NTM: variants seen among roughly 807,000 people sequenced by gnomAD.
NTM encodes neurotrimin.
NTM carries 13 observed loss-of-function variants against 42.1 expected under a neutral mutation model. The observed-to-expected ratio is 0.31, with a 90% CI of 0.20 to 0.49. The LOEUF is 0.49. Among genes scored for constraint, NTM ranks in the 20% least tolerant of loss-of-function variants. The pLI, the probability that NTM is intolerant of heterozygous loss-of-function variation, is 0.99. For synonymous variants in NTM, 187 were observed against 179.2 expected (o/e 1.04, Z -0.35); for missense variants, 373 against 452.8 (o/e 0.82, Z 1.60).
intron 1 of NTM, among the ~76,000 whole-genome samples, chr11:131,484,638 C>T (rs972392028): frequency 2.2e-4 from 34 of 152,256 alleles, no homozygotes; most frequent in Admixed American, 1.3e-3. Flanking sequence ...CTTCCTCCTG[C>T]GTAGACACTG....
At position 132,002,931 on chromosome 11, in the gene NTM, A is replaced by G. The variant is rs959573946; in HGVS notation, c.167+91283A>G. 6.8e-6 allele frequency among the ~76,000 whole-genome samples: 1 copy of G among 146,710 alleles called. No individual in the cohort carries two copies. The highest frequency in any genetic ancestry group is 1.5e-5 in the Non-Finnish European group (1 of 68,036). ...TTTACTGTTAATAACAGAAATTACTATTAAAAAAGAGGAAACAGGAAAAAC... is the reference window on the plus strand; with the variant it reads ...TTTACTGTTAATAACAGAAATTACTGTTAAAAAAGAGGAAACAGGAAAAAC... On this transcript the variant is annotated intron_variant, in intron 2 of 8. Transcript: ENST00000683400. The surrounding 1 kb of genome is among the most constrained non-coding windows in gnomAD (Gnocchi z 4.5).
intron 6 of NTM, 29 bp downstream of exon 6, chr11:132,310,261 C>A: frequency 6.5e-7 from 1 of 1,549,430 alleles, no homozygotes; most frequent in South Asian, 1.2e-5. Context: ...CTATCCCACC[C>A]CTACCCCCAT....
chr11:132,067,642 A>G (rs1189139373), intron 2 of NTM, among the ~76,000 whole-genome samples: 1 of 152,214 alleles, frequency 6.6e-6, no homozygotes, highest in Non-Finnish European at 1.5e-5. Context: ...AGACCCAGGC[A>G]CCTTCCAAAT....
intron 4 of NTM, among the ~76,000 whole-genome samples, chr11:132,261,961 G>A (rs1249089209): frequency 6.6e-6 from 1 of 152,210 alleles, no homozygotes; most frequent in Non-Finnish European, 1.5e-5. Flanking sequence ...ATCCATTAAG[G>A]AGGCTCCAGC....
At chr11:131,950,433 C>T (rs573949082) in intron 2 of NTM, among the ~76,000 whole-genome samples, 2 of 152,312 alleles carry the variant, frequency 1.3e-5, no homozygotes, top group African/African-American at 2.4e-5. Flanking sequence ...AGGCAGTTCA[C>T]CTGCCTCACC....
intron 1 of NTM, among the ~76,000 whole-genome samples, chr11:131,631,859 C>T (rs2063691654): frequency 6.6e-6 from 1 of 152,168 alleles, no homozygotes; most frequent in Admixed American, 6.5e-5. Flanking sequence ...GTAAACACTG[C>T]TCTAATATCA....
chr11:131,850,036 G>A (rs1456641558), intron 1 of NTM, among the ~76,000 whole-genome samples: 2 of 151,962 alleles, frequency 1.3e-5, no homozygotes, highest in Admixed American at 1.3e-4. Flanking sequence ...CACTCAGGTT[G>A]CTAAGTGTAG....
At chr11:132,255,231 T>G (rs1391722827) in intron 4 of NTM, among the ~76,000 whole-genome samples, 1 of 152,250 alleles carries the variant, frequency 6.6e-6, no homozygotes, top group Non-Finnish European at 1.5e-5. Flanking sequence ...CTCCTTTCTT[T>G]TAGCTCTTTA....
chr11:131,856,007 A>G (rs1364374378), intron 1 of NTM, among the ~76,000 whole-genome samples: 1 of 152,178 alleles, frequency 6.6e-6, no homozygotes, highest in African/African-American at 2.4e-5. Flanking sequence ...TGTCCAATAA[A>G]TGTTTGTTGA....
intron 1 of NTM, among the ~76,000 whole-genome samples, chr11:131,418,099 C>T (rs1464826873): frequency 1.3e-5 from 2 of 152,224 alleles, no homozygotes; most frequent in Non-Finnish European, 2.9e-5. Context: ...GCCATTCAGA[C>T]AGCAATCATT....
chr11:131,555,936 T>C (rs2136952261), intron 1 of NTM, among the ~76,000 whole-genome samples: 1 of 152,222 alleles, frequency 6.6e-6, no homozygotes, highest in Middle Eastern at 3.4e-3. Context: ...AAGGAAATGT[T>C]CCAGATGCCA....
intron 1 of NTM, among the ~76,000 whole-genome samples, chr11:131,383,785 T>G (rs1942986942): frequency 1.3e-5 from 2 of 152,112 alleles, no homozygotes; most frequent in South Asian, 2.1e-4. Flanking sequence ...AACAACATGA[T>G]TTGGGTTCGT....
At chr11:131,546,975 G>A (rs1426678062) in intron 1 of NTM, among the ~76,000 whole-genome samples, 2 of 151,926 alleles carry the variant, frequency 1.3e-5, no homozygotes, top group Non-Finnish European at 2.9e-5. Context: ...TTTCCATCAT[G>A]CCTCTGAGTT....
At chr11:131,597,275 G>A (rs1270895189) in intron 1 of NTM, among the ~76,000 whole-genome samples, 4 of 152,118 alleles carry the variant, frequency 2.6e-5, no homozygotes, top group Admixed American at 6.5e-5. Context: ...AGCTGTCTGT[G>A]GCACTTGCTC....
intron 1 of NTM, among the ~76,000 whole-genome samples, chr11:131,724,659 G>A (rs1185792068): frequency 3.3e-5 from 5 of 152,144 alleles, no homozygotes; most frequent in African/African-American, 9.7e-5. Flanking sequence ...CAGCCCCTCC[G>A]ATGGTGCTAA....
At chr11:131,916,581 C>T (rs1053792940) in intron 2 of NTM, among the ~76,000 whole-genome samples, 9 of 152,100 alleles carry the variant, frequency 5.9e-5, no homozygotes, top group Non-Finnish European at 1.3e-4. Context: ...CTTGAGAGGA[C>T]GCGGGAGTCA....
At chr11:132,227,007 T>C (rs73040252) in intron 4 of NTM, among the ~76,000 whole-genome samples, 17,896 of 152,196 alleles carry the variant, frequency 0.12, 1,134 homozygotes, top group Middle Eastern at 0.18. Context: ...GAGTAGATAG[T>C]TGACTATGCC....
In NTM at chr11:131,789,477, A is replaced by AG. The variant is rs1491239095; in HGVS notation, c.83-122086dup. Among the ~76,000 whole-genome samples the AG allele has an allele frequency of 5.3e-4, 7 of 13,190 alleles. 2 individuals are homozygous for AG. The highest frequency in any genetic ancestry group is 1.1e-3 in the Non-Finnish European group (7 of 6,642). The allele number at this position is 13,190 out of a possible 152,430, so 8.7% of individuals were successfully genotyped here. The stretch of plus-strand genomic sequence containing the variant: ...AAGAAGAAGAAGAAGAAGAAGAAGA[A>AG]GAAGAAGAAGAAGAGGAAAGAAGAA... On this transcript the variant is annotated intron_variant, in intron 1 of 8. Coordinates refer to ENST00000683400, the MANE Select transcript of NTM (RefSeq NM_001352005.2).
chr11:131,485,193 C>T (rs760289289), intron 1 of NTM, among the ~76,000 whole-genome samples: 6 of 152,198 alleles, frequency 3.9e-5, no homozygotes, highest in African/African-American at 1.4e-4. Flanking sequence ...GCATCAGGCC[C>T]TCCAGGCCAA....
Sources: gnomAD v4.1 joint callset for allele counts (sites outside exome capture counted in the v4.1 genomes callset) on GRCh38, gnomAD v4.1.1 for gene constraint, Gnocchi (gnomAD v3.1) non-coding constraint, MANE v1.5 for transcripts, NCBI Gene and HGNC (gene_info 2026-07-23, HGNC 2026-07-21) for gene names.